PCDH17: variants seen among roughly 807,000 people sequenced by gnomAD.
The protein encoded by PCDH17 is protocadherin 17.
A neutral mutation model predicts 67.7 loss-of-function variants in PCDH17; 21 were observed. That is an observed-to-expected ratio of 0.31 (90% CI 0.22 to 0.45). The LOEUF (loss-of-function observed/expected upper bound fraction) is 0.45. PCDH17 is among the 20% of genes least tolerant of loss of function. The pLI, the probability that PCDH17 is intolerant of heterozygous loss-of-function variation, is 1.00. For synonymous variants in PCDH17, 701 were observed against 656.7 expected (o/e 1.07, Z -1.03); for missense variants, 1,471 against 1,564.8 (o/e 0.94, Z 1.01).
Position 57,634,408 on chromosome 13 carries a change from G to C in PCDH17, c.1862G>C (p.Gly621Ala). The change falls in exon 1 of 4, where the codon GGG (glycine) becomes GCG (alanine). Residue 621 changes from glycine (G) to alanine (A), a missense_variant. Physicochemically the swap from Gly to Ala is moderately conservative, Grantham distance 60. Around this residue, in one of 3 missense-constraint regions of PCDH17, gnomAD observed 1,163 missense variants for 1,230.0 expected, o/e 0.95. Coordinates refer to ENST00000377918, the MANE Select transcript of PCDH17 (RefSeq NM_001040429.3). The surrounding 1 kb of genome is among the most constrained non-coding windows in gnomAD (Gnocchi z 7.8). ...RALDSDFGES[G>A]RLTYEIVDGN... ...CTAGACAGCGACTTCGGCGAGAGCG[G>C]GCGTCTCACCTACGAGATCGTGGAC... 1.9e-6 allele frequency: 3 copies of C among 1,612,760 alleles called. No individual in the cohort carries two copies. The highest frequency in any genetic ancestry group is 2.5e-6 in the Non-Finnish European group (3 of 1,179,920).
At chr13:57,688,560 T>C (rs2138058281) in intron 3 of PCDH17, among the ~76,000 whole-genome samples, 1 of 152,214 alleles carries the variant, frequency 6.6e-6, no homozygotes, top group African/African-American at 2.4e-5. Context: ...CACATGTTTG[T>C]TTTCAAATGT....
chr13:57,719,420 T>C (rs1330770703), intron 3 of PCDH17, among the ~76,000 whole-genome samples: 3 of 152,160 alleles, frequency 2.0e-5, no homozygotes, highest in Admixed American at 6.6e-5. Flanking sequence ...TTTTTAAGTG[T>C]CTATGACACA....
At chr13:57,678,464 A>G (rs1352520652) in intron 3 of PCDH17, among the ~76,000 whole-genome samples, 1 of 151,714 alleles carries the variant, frequency 6.6e-6, no homozygotes, top group East Asian at 1.9e-4. Flanking sequence ...TTTAAAGTAA[A>G]GATAAACTCT....
At chr13:57,648,837 G>A (rs994019349) in intron 1 of PCDH17, among the ~76,000 whole-genome samples, 4 of 151,984 alleles carry the variant, frequency 2.6e-5, no homozygotes, top group African/African-American at 4.8e-5. Flanking sequence ...GTTATCTTGA[G>A]TTTTAAAATG....
In PCDH17 at chr13:57,729,271, T is replaced by G. The variant is rs887234738; in HGVS notation, c.*3977T>G. The G allele has an allele frequency of 1.3e-5, 2 of 152,112 alleles. No individual in the cohort carries two copies. The highest frequency in any genetic ancestry group is 4.8e-5 in the African/African-American group (2 of 41,444). 9.4% of individuals were successfully genotyped at this position (152,112 alleles called of 1,614,324 possible). On this transcript the variant is annotated 3_prime_UTR_variant, in exon 4 of 4. Transcript: ENST00000377918. ...TAATGGCTGTGTTTAATGTGATCTA[T>G]CTGGAAAATGAGGACTCCGAATAAA...
At chr13:57,653,023 G>C (rs1955060461) in intron 1 of PCDH17, among the ~76,000 whole-genome samples, 1 of 152,102 alleles carries the variant, frequency 6.6e-6, no homozygotes. Context: ...CTTTCAAATA[G>C]GAACCTGGCA....
chr13:57,703,568 G>C (rs191365365), intron 3 of PCDH17, among the ~76,000 whole-genome samples: 59 of 152,174 alleles, frequency 3.9e-4, no homozygotes, highest in Admixed American at 1.3e-3. Flanking sequence ...TTATTGTTCT[G>C]TTCAAAGGCT....
chr13:57,655,088 A>C (rs1262479780), intron 1 of PCDH17, among the ~76,000 whole-genome samples: 1 of 152,076 alleles, frequency 6.6e-6, no homozygotes, highest in African/African-American at 2.4e-5. Flanking sequence ...AAAAGTAAAA[A>C]TTATTTATGC....
intron 3 of PCDH17, among the ~76,000 whole-genome samples, chr13:57,675,576 G>C (rs563459094): frequency 1.3e-5 from 2 of 151,930 alleles, no homozygotes; most frequent in Non-Finnish European, 2.9e-5. Context: ...AGAAACATTT[G>C]AGCAGACCCT....
intron 1 of PCDH17, among the ~76,000 whole-genome samples, chr13:57,652,128 A>C (rs1259743951): frequency 6.6e-6 from 1 of 151,738 alleles, no homozygotes; most frequent in African/African-American, 2.4e-5. Context: ...AATACAAAAA[A>C]TTAGCCGGGC....
At position 57,724,970 on chromosome 13, in the gene PCDH17, C is replaced by T; in HGVS notation, c.3156C>T (p.Gly1052=). 2 of 1,614,166 alleles carry T rather than the reference C, an allele frequency of 1.2e-6. No homozygotes were observed. The highest frequency in any genetic ancestry group is 3.3e-5 in the Admixed American group (2 of 60,014). Residue 1052 remains glycine, a synonymous_variant, in exon 4 of 4, where the codon GGC becomes GGT. Transcript: ENST00000377918. The part of the protein sequence containing the change: ...ACIEPCTSTK[G]SLDGCEAKPG... ...TCGAGCCTTGCACCTCAACAAAAGG[C>T]TCCCTGGATGGCTGTGAAGCAAAAC...
At chr13:57,650,749 T>C (rs1373448050) in intron 1 of PCDH17, among the ~76,000 whole-genome samples, 3 of 152,188 alleles carry the variant, frequency 2.0e-5, no homozygotes, top group Admixed American at 6.5e-5. Context: ...AATTGTGGAC[T>C]GAAAATAGAG....
chr13:57,650,319 G>A (rs964043298), intron 1 of PCDH17, among the ~76,000 whole-genome samples: 2 of 151,412 alleles, frequency 1.3e-5, no homozygotes, highest in African/African-American at 4.9e-5. Flanking sequence ...CTGTAGGCCT[G>A]TGTAGTTGAG....
At position 57,633,281 on chromosome 13, in the gene PCDH17, G is replaced by A; in HGVS notation, c.735G>A (p.Ala245=). 1 of 1,613,316 alleles carries A rather than the reference G, an allele frequency of 6.2e-7. No individual in the cohort carries two copies. The highest frequency in any genetic ancestry group is 8.5e-7 in the Non-Finnish European group (1 of 1,180,020). The part of the protein sequence containing the change: ...DSNDNSPVFE[A]PSYLVELPEN... ...ACGACAACAGCCCGGTCTTCGAGGC[G>A]CCATCCTACTTGGTGGAACTGCCCG... The change falls in exon 1 of 4, where the codon GCG becomes GCA. Residue 245 remains alanine, a synonymous_variant. Coordinates refer to ENST00000377918, the MANE Select transcript of PCDH17 (RefSeq NM_001040429.3). This position sits in a 1 kb window ranked among gnomAD's most constrained non-coding sequence, Gnocchi z 6.2.
At chr13:57,652,135 G>T (rs1955049180) in intron 1 of PCDH17, among the ~76,000 whole-genome samples, 1 of 151,644 alleles carries the variant, frequency 6.6e-6, no homozygotes, top group Non-Finnish European at 1.5e-5. Context: ...AAAATTAGCC[G>T]GGCGCGGTGG....
rs560249245 is a variant in PCDH17, at chr13:57,725,239, T to C, written c.3425T>C (p.Ile1142Thr). The C allele has an allele frequency of 1.2e-5, 20 of 1,613,780 alleles. No homozygotes were observed. In the African/African-American group the frequency reaches 2.7e-4, roughly 22 times the overall value. Residue 1142 changes from isoleucine (I) to threonine (T), a missense_variant, in exon 4 of 4, where the codon ATT becomes ACT. Around this residue, in one of 3 missense-constraint regions of PCDH17, gnomAD observed 297 missense variants for 298.6 expected, o/e 0.99. Coordinates refer to ENST00000377918, the MANE Select transcript of PCDH17 (RefSeq NM_001040429.3). ...GATGCAGAGGAAGTTGTGAGAGAAA[T>C]TGATAAGCTTTTGCAAGACTGCCGG... Reference protein sequence around the residue: ...SVDAEEVVREIDKLLQDCRGN... With the variant: ...SVDAEEVVRETDKLLQDCRGN...
intron 3 of PCDH17, among the ~76,000 whole-genome samples, chr13:57,673,520 G>T (rs1296914988): frequency 6.6e-6 from 1 of 151,966 alleles, no homozygotes; most frequent in Non-Finnish European, 1.5e-5. Context: ...AGAACATGAA[G>T]GTGATGACTG....
At chr13:57,630,167 G>A (rs1954700152), upstream of PCDH17, among the ~76,000 whole-genome samples, 1 of 152,190 alleles carries the variant, frequency 6.6e-6, no homozygotes, top group Non-Finnish European at 1.5e-5. Context: ...TGCGGCAGCG[G>A]CGGAAGGCGG....
intron 3 of PCDH17, among the ~76,000 whole-genome samples, chr13:57,679,942 T>G (rs1300827114): frequency 6.6e-6 from 1 of 151,502 alleles, no homozygotes; most frequent in Non-Finnish European, 1.5e-5. Flanking sequence ...TATGTTTTGA[T>G]GTTTGTTCAG....
Sources: allele counts gnomAD v4.1 joint callset (sites outside exome capture counted in the v4.1 genomes callset), GRCh38; gene constraint gnomAD v4.1.1; regional missense constraint gnomAD v4.1.1; non-coding constraint Gnocchi (gnomAD v3.1); transcripts MANE v1.5; gene names NCBI Gene and HGNC (gene_info 2026-07-23, HGNC 2026-07-21).